BRI3BP: variants seen among roughly 807,000 people sequenced by gnomAD.
BRI3BP encodes BRI3-binding protein.
In BRI3BP, 7 loss-of-function variants were observed where a neutral mutation model predicts 15.8. The ratio of observed to expected loss-of-function variants is 0.44; its 90% CI spans 0.25 to 0.83. The LOEUF is 0.83. BRI3BP is among the 40% of genes least tolerant of loss of function. The pLI, the probability that BRI3BP is intolerant of heterozygous loss-of-function variation, is 0.20. For synonymous variants in BRI3BP, 192 were observed against 163.5 expected (o/e 1.17, Z -1.33); for missense variants, 320 against 339.3 (o/e 0.94, Z 0.45).
chr12:125,024,202 G>A (rs1955325789), intron 2 of BRI3BP, among the ~76,000 whole-genome samples: 1 of 152,058 alleles, frequency 6.6e-6, no homozygotes, highest in Non-Finnish European at 1.5e-5. Flanking sequence ...CAGCAGGAGA[G>A]AAAGAGAGAG....
chr12:125,049,974 C>A, the BRI3BP span, among the ~76,000 whole-genome samples: 2 of 152,282 alleles, frequency 1.3e-5, no homozygotes, highest in African/African-American at 4.8e-5. Flanking sequence ...GAGAACCGAG[C>A]GGAGCCGAGC....
At chr12:125,008,699 C>T (rs899121908) in intron 1 of BRI3BP, among the ~76,000 whole-genome samples, 3 of 152,048 alleles carry the variant, frequency 2.0e-5, no homozygotes, top group Non-Finnish European at 4.4e-5. Flanking sequence ...TGGACTGGGT[C>T]GGGGGATGGT....
the BRI3BP span, among the ~76,000 whole-genome samples, chr12:125,039,626 A>G: frequency 1.3e-5 from 2 of 150,698 alleles, no homozygotes; most frequent in Admixed American, 6.7e-5. Context: ...TGAGTTGTGG[A>G]AAATCATTGG....
At chr12:125,031,997 T>A (rs1431254662), downstream of BRI3BP, among the ~76,000 whole-genome samples, 1 of 152,086 alleles carries the variant, frequency 6.6e-6, no homozygotes, top group African/African-American at 2.4e-5. Context: ...ATTGTGAAGT[T>A]ATCTGGGGGC....
downstream of BRI3BP, chr12:125,031,299 A>G (rs1157796016): frequency 6.6e-6 from 1 of 152,192 alleles, no homozygotes. Context: ...CGATCTGAGA[A>G]GAGTCATAAA....
intron 2 of BRI3BP, among the ~76,000 whole-genome samples, chr12:125,014,996 G>A (rs1036026246): frequency 2.0e-5 from 3 of 152,096 alleles, no homozygotes; most frequent in Non-Finnish European, 4.4e-5. Context: ...CAAACTCTTG[G>A]GCTCAAACCA....
At chr12:125,024,014 C>T (rs10773135) in intron 2 of BRI3BP, among the ~76,000 whole-genome samples, 72,883 of 152,062 alleles carry the variant, frequency 0.48, 19,349 homozygotes, top group African/African-American at 0.7. Context: ...GAGGTTGCAA[C>T]GAGCCAAGAT....
chr12:125,025,082 C>T lies in BRI3BP; in HGVS notation c.408C>T (p.Tyr136=), dbSNP rs1272690763. 2 of 1,613,732 alleles carry T rather than the reference C, an allele frequency of 1.2e-6. No individual in the cohort carries two copies. The highest frequency in any genetic ancestry group is 2.7e-5 in the African/African-American group (2 of 74,944). Residue 136 remains tyrosine (Y), a synonymous_variant, in exon 3 of 3, where the codon TAC becomes TAT. Transcript: ENST00000341446. ...TGGTCGGCGTCGTCCTCCTGGCCTA[C>T]TGGTTCTTGTCCCTGACCCTGGGCT... The part of the protein sequence containing the change: ...LLLVGVVLLA[Y]WFLSLTLGFT...
intron 1 of BRI3BP, among the ~76,000 whole-genome samples, chr12:125,009,254 T>C (rs917954886): frequency 1.0e-4 from 15 of 150,630 alleles, no homozygotes; most frequent in African/African-American, 3.7e-4. Context: ...GTGCTGGGAT[T>C]ACAGGTGTGG....
the BRI3BP span, among the ~76,000 whole-genome samples, chr12:125,040,899 T>C: frequency 1.3e-5 from 2 of 151,126 alleles, no homozygotes; most frequent in East Asian, 2.0e-4. Context: ...CCCAGCTAAT[T>C]TTTGTATTTT....
At chr12:125,015,091 G>C (rs1955231871) in intron 2 of BRI3BP, among the ~76,000 whole-genome samples, 1 of 152,204 alleles carries the variant, frequency 6.6e-6, no homozygotes, top group Admixed American at 6.5e-5. Context: ...AAGAGCAGGA[G>C]GGCTGTGGGT....
At chr12:125,034,939 C>T (rs1565909847), downstream of BRI3BP, among the ~76,000 whole-genome samples, 1 of 152,132 alleles carries the variant, frequency 6.6e-6, no homozygotes. Context: ...CAGCATGTGT[C>T]TCCCCATGCC....
At position 125,025,047 on chromosome 12, in the gene BRI3BP, G is replaced by A. The variant is rs779314883; in HGVS notation, c.373G>A (p.Ala125Thr). ...PASVSSSPARALLLVGVVLLA... is the reference protein window; with the variant it reads ...PASVSSSPARTLLLVGVVLLA... ...CTCGGTGTCCAGCAGCCCGGCCCGC[G>A]CGCTCCTGCTGGTCGGCGTCGTCCT... The change falls in exon 3 of 3, where the codon GCG becomes ACG. Residue 125 changes from alanine to threonine, a missense_variant. Ala to Thr is a moderately conservative substitution (Grantham distance 58). Coordinates refer to ENST00000341446, the MANE Select transcript of BRI3BP (RefSeq NM_080626.6). 9.9e-6 allele frequency: 16 copies of A among 1,613,230 alleles called. No individual in the cohort carries two copies. Among genetic ancestry groups the A allele is most frequent in the African/African-American group, 9.3e-5 (7 of 74,876 alleles).
Position 125,025,306 on chromosome 12 carries a change from G to GCCCCAGCAACCCCAGCAA in BRI3BP, c.640_657dup (p.Asn214_Ser219dup), listed in dbSNP as rs536585330. Reference sequence around the variant, plus strand: ...TTCTACTGGCGAAGCAGTCCCAGCGGCCCCAGCAACCCCAGCAACCCCAGC... The same window carrying GCCCCAGCAACCCCAGCAA: ...TTCTACTGGCGAAGCAGTCCCAGCGGCCCCAGCAACCCCAGCAACCCCAGCAACCCCAGCAACCCCAGC... On this transcript the variant is annotated inframe_insertion, in exon 3 of 3. Coordinates refer to ENST00000341446, the MANE Select transcript of BRI3BP (RefSeq NM_080626.6). 7 of 1,613,488 alleles carry GCCCCAGCAACCCCAGCAA rather than the reference G, an allele frequency of 4.3e-6. No homozygotes were observed. The highest frequency in any genetic ancestry group is 5.9e-6 in the Non-Finnish European group (7 of 1,179,854).
rs1204793318 is a variant in BRI3BP, at chr12:125,027,691, C to G, written c.*2261C>G. On this transcript the variant is annotated 3_prime_UTR_variant, in exon 3 of 3. Coordinates refer to ENST00000341446, the MANE Select transcript of BRI3BP (RefSeq NM_080626.6). ...TCTCAAAAAAAATTATTTGCTGGAT[C>G]GAATCTTTTTTTTTTTGAGATGGAG... 2 of 151,930 alleles carry G rather than the reference C, an allele frequency of 1.3e-5. No individual in the cohort carries two copies. Among genetic ancestry groups the G allele is most frequent in the Admixed American group, 1.3e-4 (2 of 15,230 alleles). 9.4% of individuals were successfully genotyped at this position (151,930 alleles called of 1,614,324 possible).
At chr12:125,048,252 C>A in the BRI3BP span, among the ~76,000 whole-genome samples, 7 of 152,202 alleles carry the variant, frequency 4.6e-5, no homozygotes, top group South Asian at 2.1e-4. Context: ...CCTCGAAATG[C>A]CTGCCTGGCT....
intron 1 of BRI3BP, among the ~76,000 whole-genome samples, chr12:124,997,649 G>A (rs1231258393): frequency 6.6e-6 from 1 of 152,096 alleles, no homozygotes; most frequent in Non-Finnish European, 1.5e-5. Context: ...TATATGAAGG[G>A]AATTTGTCTG....
the BRI3BP span, among the ~76,000 whole-genome samples, chr12:125,049,773 C>T: frequency 2.6e-5 from 4 of 152,222 alleles, no homozygotes; most frequent in Non-Finnish European, 4.4e-5. Flanking sequence ...GCCGATGTGG[C>T]CCAACTCTCT....
At chr12:125,019,078 G>A (rs909399534) in intron 2 of BRI3BP, among the ~76,000 whole-genome samples, 3 of 152,028 alleles carry the variant, frequency 2.0e-5, no homozygotes, top group African/African-American at 4.8e-5. Flanking sequence ...GGCTGGTCTC[G>A]AACTCCTGAT....
Sources: allele counts gnomAD v4.1 joint callset (sites outside exome capture counted in the v4.1 genomes callset), GRCh38; gene constraint gnomAD v4.1.1; transcripts MANE v1.5; gene names NCBI Gene and HGNC (gene_info 2026-07-23, HGNC 2026-07-21).